The following MOXD1 variants were observed in gnomAD, a reference collection of about 807,000 sequenced individuals.
The protein encoded by MOXD1 is monooxygenase DBH like 1, also known as DBH-like monooxygenase protein 1.
In MOXD1, 62 loss-of-function variants were observed where a neutral mutation model predicts 66.6. That is an observed-to-expected ratio of 0.93 (90% CI 0.76 to 1.15). MOXD1 has a LOEUF of 1.15. Ranked by LOEUF, MOXD1 falls within the 50% of genes most tolerant of loss-of-function variation. The pLI is 0.00. For missense variants in MOXD1, 847 were observed against 754.6 expected (o/e 1.12, Z -1.44); for synonymous variants, 303 against 281.9 (o/e 1.07, Z -0.75).
chr6:132,347,114 T>C (rs1037071742), intron 4 of MOXD1, among the ~76,000 whole-genome samples: 1 of 152,234 alleles, frequency 6.6e-6, no homozygotes, highest in Non-Finnish European at 1.5e-5. Context: ...TATACGACAC[T>C]GAGACTGGTA....
chr6:132,390,665 T>G (rs1258275615), intron 1 of MOXD1: 1 of 151,564 alleles, frequency 6.6e-6, no homozygotes, highest in Non-Finnish European at 1.5e-5. Context: ...AACAGTCATA[T>G]GACAGCCACA....
chr6:132,328,454 G>T lies in MOXD1; in HGVS notation c.804C>A (p.Thr268=). ...YHPNMPDAFL[T]CETVIFAWAI... ...CCCAGGCAAAAATCACAGTTTCACA[G>T]GTGAGGAATGCATCGGGCATGTTGG... Residue 268 remains threonine (T), a synonymous_variant, in exon 5 of 12, where the codon ACC becomes ACA. Transcript: ENST00000367963. 1 of 1,613,546 alleles carries T rather than the reference G, an allele frequency of 6.2e-7. No homozygotes were observed. The highest frequency in any genetic ancestry group is 8.5e-7 in the Non-Finnish European group (1 of 1,179,488).
intron 11 of MOXD1, 28 bp downstream of exon 11, chr6:132,297,759 G>T (rs1175090857): frequency 6.4e-7 from 1 of 1,565,000 alleles, no homozygotes; most frequent in Non-Finnish European, 8.6e-7. Flanking sequence ...TGTGTCATCT[G>T]GGTTGTCAGA....
intron 1 of MOXD1, among the ~76,000 whole-genome samples, chr6:132,380,598 T>C (rs1776487642): frequency 1.3e-5 from 2 of 152,234 alleles, no homozygotes; most frequent in South Asian, 2.1e-4. Context: ...TACATTCCCA[T>C]GTAGCATGCA....
chr6:132,333,788 A>T lies in MOXD1; in HGVS notation c.664-5194T>A, dbSNP rs112664747. 5.4e-3 allele frequency among the ~76,000 whole-genome samples: 827 copies of T among 152,336 alleles called. 14 individuals are homozygous for T. Among genetic ancestry groups the T allele is most frequent in the African/African-American group, 0.019 (780 of 41,576 alleles). On this transcript the variant is annotated intron_variant, in intron 4 of 11. Coordinates refer to ENST00000367963, the MANE Select transcript of MOXD1 (RefSeq NM_015529.4). ...TGAGCTTACCTTCTGATGGCAAAACAGACCAGGCAAGGAGGGCCTGGCAGC... is the reference window on the plus strand; with the variant it reads ...TGAGCTTACCTTCTGATGGCAAAACTGACCAGGCAAGGAGGGCCTGGCAGC...
At chr6:132,389,933 T>C (rs1776724613) in intron 1 of MOXD1, among the ~76,000 whole-genome samples, 1 of 151,668 alleles carries the variant, frequency 6.6e-6, no homozygotes, top group Non-Finnish European at 1.5e-5. Flanking sequence ...AAAAATTGCA[T>C]GAAAGATGGA....
chr6:132,299,237 A>T (rs188771028), intron 10 of MOXD1, among the ~76,000 whole-genome samples: 2 of 152,258 alleles, frequency 1.3e-5, no homozygotes, highest in Admixed American at 1.3e-4. Flanking sequence ...ATACACATAG[A>T]CATAAAGATG....
Position 132,361,771 on chromosome 6 carries a change from A to G in MOXD1, c.663+10837T>C, listed in dbSNP as rs144392538. On this transcript the variant is annotated intron_variant, in intron 4 of 11. Coordinates refer to ENST00000367963, the MANE Select transcript of MOXD1 (RefSeq NM_015529.4). The stretch of plus-strand genomic sequence containing the variant: ...TAGCTCAATGAAGCAAATCTCAACT[A>G]TAACATTTTTGATATGTTAGTGTAG... 1.2e-4 allele frequency among the ~76,000 whole-genome samples: 18 copies of G among 152,276 alleles called. No homozygotes were observed. The East Asian group carries it at 3.3e-3, about 28-fold the overall frequency.
intron 9 of MOXD1, among the ~76,000 whole-genome samples, chr6:132,317,121 G>C (rs1212850815): frequency 6.6e-6 from 1 of 152,032 alleles, no homozygotes; most frequent in Non-Finnish European, 1.5e-5. Flanking sequence ...ATAACAAAAA[G>C]ATATTGAATT....
At chr6:132,297,418 G>A (rs1774428093) in intron 11 of MOXD1, 101 bp from the exon 12 acceptor site, 1 of 1,252,042 alleles carries the variant, frequency 8.0e-7, no homozygotes, top group African/African-American at 1.5e-5. Flanking sequence ...GATAAAGGGG[G>A]CAGGAGTGGT....
At position 132,328,547 on chromosome 6, in the gene MOXD1, G is replaced by T; in HGVS notation, c.711C>A (p.Ile237=). 6.2e-7 allele frequency: 1 copy of T among 1,614,076 alleles called. No homozygotes were observed. The change falls in exon 5 of 12, where the codon ATC becomes ATA. Residue 237 remains isoleucine, a synonymous_variant. Transcript: ENST00000367963. ...AGTTGTTGCTGCACTGATAGAGCAG[G>T]ATGTGGTGCACCAGACTCTCATGGC... ...QRGHESLVHH[I]LLYQCSNNFN... is the part of the protein sequence containing the mutation.
chr6:132,364,719 G>C (rs969076290), intron 4 of MOXD1, among the ~76,000 whole-genome samples: 17 of 152,250 alleles, frequency 1.1e-4, no homozygotes, highest in Non-Finnish European at 2.4e-4. Context: ...TGGGAATATA[G>C]CCAGTACTTA....
At chr6:132,343,001 C>T (rs757777805) in intron 4 of MOXD1, among the ~76,000 whole-genome samples, 13 of 152,010 alleles carry the variant, frequency 8.6e-5, no homozygotes, top group African/African-American at 2.4e-4. Context: ...CATCACAGAA[C>T]GACAAAGGAG....
intron 4 of MOXD1, among the ~76,000 whole-genome samples, chr6:132,371,663 A>G (rs758465135): frequency 5.9e-5 from 9 of 152,172 alleles, no homozygotes; most frequent in Non-Finnish European, 1.2e-4. Flanking sequence ...CTAAGGCTAC[A>G]GCATTACCCC....
At chr6:132,301,148 T>C (rs569373785) in intron 10 of MOXD1, among the ~76,000 whole-genome samples, 2 of 151,770 alleles carry the variant, frequency 1.3e-5, no homozygotes, top group African/African-American at 4.8e-5. Flanking sequence ...TTTCTGCATA[T>C]CTTGTCAGTG....
chr6:132,320,604 TTAA>T, intron 9 of MOXD1, 22 bp downstream of exon 9: 1 of 1,564,684 alleles, frequency 6.4e-7, no homozygotes, highest in Non-Finnish European at 8.7e-7. Flanking sequence ...TAAATGAACT[TTAA>T]TAATAATAAA....
chr6:132,302,597 T>G (rs1264074054), intron 10 of MOXD1, among the ~76,000 whole-genome samples: 1 of 152,184 alleles, frequency 6.6e-6, no homozygotes, highest in Non-Finnish European at 1.5e-5. Context: ...GTTCATAGAT[T>G]AGAAGACTCA....
Position 132,324,454 on chromosome 6 carries a change from TTAA to T in MOXD1, c.947-360_947-358del, listed in dbSNP as rs576713820. ...TTCATTAGAATATAGAATAAATAAC[TTAA>T]TAAAACTTTTATTTTATATTGTTTC... is the stretch of plus-strand genomic sequence containing the variant. On this transcript the variant is annotated intron_variant, in intron 6 of 11. Coordinates refer to ENST00000367963, the MANE Select transcript of MOXD1 (RefSeq NM_015529.4). Among the ~76,000 whole-genome samples, 450 of 152,334 alleles carry T rather than the reference TTAA, an allele frequency of 3.0e-3. 3 individuals are homozygous for T. Among genetic ancestry groups the T allele is most frequent in the Middle Eastern group, 0.027 (8 of 294 alleles).
intron 4 of MOXD1, among the ~76,000 whole-genome samples, chr6:132,348,631 A>G (rs968684336): frequency 6.6e-6 from 1 of 152,224 alleles, no homozygotes; most frequent in African/African-American, 2.4e-5. Context: ...AAAACATATA[A>G]AAAACACGGG....
Sources: allele counts gnomAD v4.1 joint callset (sites outside exome capture counted in the v4.1 genomes callset), GRCh38; gene constraint gnomAD v4.1.1; transcripts MANE v1.5; gene names NCBI Gene and HGNC (gene_info 2026-07-23, HGNC 2026-07-21).